CNTN3: variants seen among roughly 807,000 people sequenced by gnomAD.
CNTN3 encodes the protein contactin-3.
Under a neutral mutation model 119.1 loss-of-function variants are expected in CNTN3, and 60 were observed. The ratio of observed to expected loss-of-function variants is 0.50; its 90% confidence interval spans 0.41 to 0.62. The LOEUF (loss-of-function observed/expected upper bound fraction) is 0.62. Among genes scored for constraint, CNTN3 ranks in the 20% least tolerant of loss-of-function variants. CNTN3 has a pLI of 0.00. For synonymous variants in CNTN3, 450 were observed against 438.7 expected (o/e 1.03, Z -0.32); for missense variants, 1,101 against 1,242.4 (o/e 0.89, Z 1.71).
intron 5 of CNTN3, among the ~76,000 whole-genome samples, chr3:74,393,106 T>C (rs1377864533): frequency 6.6e-6 from 1 of 152,228 alleles, no homozygotes; most frequent in Non-Finnish European, 1.5e-5. Context: ...TCTGCCATAT[T>C]TAACTTATCT....
At position 74,362,005 on chromosome 3, in the gene CNTN3, T is replaced by G. The variant is rs1408406837; in HGVS notation, c.1249A>C (p.Lys417Gln). 2 of 1,613,602 alleles carry G rather than the reference T, an allele frequency of 1.2e-6. No homozygotes were observed. Among genetic ancestry groups the G allele is most frequent in the Admixed American group, 3.3e-5 (2 of 59,996 alleles). ...CTGCCCACCTGCACCTGAACCAACT[T>G]CTTCATTGGATTCTTTGAAAAATCT... ...APDFSKNPMK[K>Q]LVQVQVGSLV... is the part of the protein sequence containing the mutation. Residue 417 changes from lysine (K) to glutamine (Q), a missense_variant, in exon 11 of 23, where the codon AAG becomes CAG. Coordinates refer to ENST00000263665, the MANE Select transcript of CNTN3 (RefSeq NM_020872.3).
chr3:74,311,027 A>G (rs1702672840), intron 13 of CNTN3, among the ~76,000 whole-genome samples: 1 of 152,224 alleles, frequency 6.6e-6, no homozygotes. Context: ...TCATCCTTGC[A>G]GGCTCTTTTG....
intron 2 of CNTN3, among the ~76,000 whole-genome samples, chr3:74,509,968 A>C (rs1400601896): frequency 6.6e-6 from 1 of 151,736 alleles, no homozygotes; most frequent in Non-Finnish European, 1.5e-5. Context: ...GAAGATAGTG[A>C]CCATATTTAA....
Position 74,409,012 on chromosome 3 carries a change from AG to A in CNTN3, c.454+15832del, listed in dbSNP as rs563185872. On this transcript the variant is annotated intron_variant, in intron 5 of 22. Coordinates refer to ENST00000263665, the MANE Select transcript of CNTN3 (RefSeq NM_020872.3). ...GCCAATGCACTACACACAGCTTAGA[AG>A]AAGCAGTCTTCCACGAAGAGCCTTG... Among the ~76,000 whole-genome samples, 41 of 152,298 alleles carry A rather than the reference AG, an allele frequency of 2.7e-4. No individual in the cohort carries two copies. The South Asian group carries it at 6.6e-3, about 25-fold the overall frequency.
Position 74,306,515 on chromosome 3 carries a change from G to A in CNTN3, c.1669-3708C>T, listed in dbSNP as rs371547686. Among the ~76,000 whole-genome samples, 7 of 152,228 alleles carry A rather than the reference G, an allele frequency of 4.6e-5. No homozygotes were observed. In the South Asian group the frequency reaches 1.4e-3, roughly 32 times the overall value. On this transcript the variant is annotated intron_variant, in intron 13 of 22. Transcript: ENST00000263665. ...TTTTCCCCACCTCCTCAAGCAGGAA[G>A]GGACCAGAATTGAGAAGGTGCAAAT...
At chr3:74,608,168 G>A (rs1195896352) in intron 1 of CNTN3, among the ~76,000 whole-genome samples, 1 of 152,172 alleles carries the variant, frequency 6.6e-6, no homozygotes, top group African/African-American at 2.4e-5. Flanking sequence ...AATCTTGTAA[G>A]GGCTAAGGTA....
intron 4 of CNTN3, among the ~76,000 whole-genome samples, chr3:74,448,978 C>T (rs574280564): frequency 3.7e-4 from 57 of 152,104 alleles, no homozygotes; most frequent in African/African-American, 1.1e-3. Flanking sequence ...TTGGTTTCAG[C>T]GATCAGGACA....
chr3:74,270,814 C>T (rs1486705069), intron 20 of CNTN3, among the ~76,000 whole-genome samples: 3 of 152,166 alleles, frequency 2.0e-5, no homozygotes, highest in Non-Finnish European at 2.9e-5. Flanking sequence ...CGTTTGTCAA[C>T]GTTCATATCC....
At chr3:74,395,124 G>A (rs1459798007) in intron 5 of CNTN3, among the ~76,000 whole-genome samples, 1 of 152,006 alleles carries the variant, frequency 6.6e-6, no homozygotes, top group Non-Finnish European at 1.5e-5. Context: ...TCCCTACAAT[G>A]TCTTTTGCTG....
chr3:74,276,749 C>A (rs1217381090), intron 20 of CNTN3, among the ~76,000 whole-genome samples: 1 of 151,892 alleles, frequency 6.6e-6, no homozygotes, highest in Non-Finnish European at 1.5e-5. Context: ...CAGACCAAAC[C>A]CAAACTCAGC....
At chr3:74,445,722 G>A (rs547907381) in intron 4 of CNTN3, among the ~76,000 whole-genome samples, 1 of 152,266 alleles carries the variant, frequency 6.6e-6, no homozygotes, top group South Asian at 2.1e-4. Context: ...AATGCTAGTA[G>A]AAAAGAATGT....
Position 74,484,223 on chromosome 3 carries a change from G to A in CNTN3, c.358+2233C>T, listed in dbSNP as rs184849597. The stretch of plus-strand genomic sequence containing the variant: ...ATCTTGTAGACAAAGACTGAGTTTA[G>A]ACAAGATTTGTTTTAGAACCTATTG... On this transcript the variant is annotated intron_variant, in intron 4 of 22. Transcript: ENST00000263665. Among the ~76,000 whole-genome samples the A allele has an allele frequency of 4.9e-3, 745 of 152,208 alleles. 11 individuals are homozygous for A. Among genetic ancestry groups the A allele is most frequent in the African/African-American group, 0.017 (725 of 41,528 alleles).
At chr3:74,486,200 GCACA>G (rs79617168) in intron 4 of CNTN3, among the ~76,000 whole-genome samples, 17,687 of 147,726 alleles carry the variant, frequency 0.12, 1,020 homozygotes, top group African/African-American at 0.14. Context: ...CTAAAATAGA[GCACA>G]CACACACACA....
intron 1 of CNTN3, among the ~76,000 whole-genome samples, chr3:74,607,817 C>T (rs1022909184): frequency 1.8e-4 from 27 of 152,278 alleles, no homozygotes; most frequent in African/African-American, 4.8e-4. Context: ...GAAATGTCAC[C>T]TCTCAGGACA....
intron 1 of CNTN3, among the ~76,000 whole-genome samples, chr3:74,547,721 C>A (rs189367114): frequency 2.8e-3 from 429 of 152,260 alleles, no homozygotes; most frequent in Middle Eastern, 0.01. Flanking sequence ...GATATTAATT[C>A]TCTGGCTGTT....
At chr3:74,551,371 A>G (rs114788661) in intron 1 of CNTN3, among the ~76,000 whole-genome samples, 332 of 152,344 alleles carry the variant, frequency 2.2e-3, no homozygotes, top group African/African-American at 7.7e-3. Context: ...AGAAGAAAGT[A>G]CAAAGTTCTC....
At chr3:74,377,516 G>A (rs1041331645) in intron 5 of CNTN3, among the ~76,000 whole-genome samples, 3 of 152,050 alleles carry the variant, frequency 2.0e-5, no homozygotes, top group Admixed American at 2.0e-4. Flanking sequence ...TATGTACTAC[G>A]ATAAATAAAA....
At chr3:74,379,223 T>C (rs1406889238) in intron 5 of CNTN3, among the ~76,000 whole-genome samples, 1 of 152,154 alleles carries the variant, frequency 6.6e-6, no homozygotes. Context: ...TGGCATGATC[T>C]CAGCTCACTA....
chr3:74,534,604 T>C (rs921699973), intron 1 of CNTN3, among the ~76,000 whole-genome samples: 7 of 152,084 alleles, frequency 4.6e-5, no homozygotes, highest in Admixed American at 4.6e-4. Flanking sequence ...CAGAAACTAT[T>C]CAGATATACT....
Sources: gnomAD v4.1 joint callset for allele counts (sites outside exome capture counted in the v4.1 genomes callset) on GRCh38, gnomAD v4.1.1 for gene constraint, MANE v1.5 for transcripts, NCBI Gene and HGNC (gene_info 2026-07-23, HGNC 2026-07-21) for gene names.